The following GRIN2B variants were observed in gnomAD, a reference collection of about 807,000 sequenced individuals.
GRIN2B encodes glutamate ionotropic receptor NMDA type subunit 2B.
In GRIN2B, 5 loss-of-function variants were observed where a neutral mutation model predicts 114.5. The ratio of observed to expected loss-of-function variants is 0.04; its 90% confidence interval spans 0.02 to 0.09. The LOEUF is 0.09. Ranked by LOEUF, GRIN2B falls within the 10% of genes least tolerant of loss-of-function variation. GRIN2B has a pLI of 1.00. For missense variants in GRIN2B, 1,108 were observed against 1,943.5 expected (o/e 0.57, Z 8.08); for synonymous variants, 787 against 745.1 (o/e 1.06, Z -0.92).
At chr12:13,622,743 A>G (rs1335055138) in intron 5 of GRIN2B, among the ~76,000 whole-genome samples, 6 of 152,096 alleles carry the variant, frequency 3.9e-5, no homozygotes, top group African/African-American at 1.4e-4. Context: ...TGTGTGAGAG[A>G]GAGAGCAGGA....
intron 3 of GRIN2B, among the ~76,000 whole-genome samples, chr12:13,830,781 CTT>C (rs1490913369): frequency 6.6e-6 from 1 of 152,178 alleles, no homozygotes; most frequent in Non-Finnish European, 1.5e-5. Flanking sequence ...CTTAAAGAAT[CTT>C]TTTTCTGCAA....
chr12:13,670,689 G>A (rs1310058927), intron 5 of GRIN2B, among the ~76,000 whole-genome samples: 2 of 152,016 alleles, frequency 1.3e-5, no homozygotes, highest in African/African-American at 4.8e-5. Flanking sequence ...AGCCCAGTCT[G>A]CACACAATGA....
intron 3 of GRIN2B, among the ~76,000 whole-genome samples, chr12:13,775,577 A>T (rs950354725): frequency 2.0e-4 from 30 of 152,226 alleles, no homozygotes; most frequent in African/African-American, 7.0e-4. Context: ...TTTCTTAGAA[A>T]TAGAATTAGG....
At chr12:13,625,384 G>T (rs940650454) in intron 5 of GRIN2B, among the ~76,000 whole-genome samples, 10 of 152,162 alleles carry the variant, frequency 6.6e-5, no homozygotes, top group African/African-American at 2.4e-4. Flanking sequence ...GGCAAGTGGC[G>T]ACCGAAGTTC....
In GRIN2B at chr12:13,753,987, AC is replaced by A; in HGVS notation, c.412-73del. ...CCAAAGATGGTAATGGAGATTTTGA[AC>A]CAAGTGGGTACAAAGATTTGTGTTC... On this transcript the variant is annotated intron_variant, in intron 3 of 13. Coordinates refer to ENST00000609686, the MANE Select transcript of GRIN2B (RefSeq NM_000834.5). The surrounding 1 kb of genome is among the most constrained non-coding windows in gnomAD (Gnocchi z 6.2). 1.1e-6 allele frequency: 1 copy of A among 900,616 alleles called. No homozygotes were observed. The highest frequency in any genetic ancestry group is 1.6e-5 in the African/African-American group (1 of 60,818). The allele number at this position is 900,616 out of a possible 1,614,324, so 55.8% of individuals were successfully genotyped here.
At chr12:13,782,086 C>T (rs555358873) in intron 3 of GRIN2B, among the ~76,000 whole-genome samples, 1 of 152,234 alleles carries the variant, frequency 6.6e-6, no homozygotes, top group East Asian at 1.9e-4. Flanking sequence ...GAGTTATGGG[C>T]TAGACTTTGA....
At chr12:13,911,447 C>G (rs1020742810) in intron 2 of GRIN2B, among the ~76,000 whole-genome samples, 2 of 152,118 alleles carry the variant, frequency 1.3e-5, no homozygotes, top group Non-Finnish European at 2.9e-5. Flanking sequence ...CTGAGCTCAC[C>G]ACTTGGCAAA....
Position 13,562,761 on chromosome 12 carries a change from C to T in GRIN2B, c.*22G>A, listed in dbSNP as rs897186462. 7.5e-6 allele frequency: 12 copies of T among 1,606,202 alleles called. No homozygotes were observed. In the South Asian group the frequency reaches 7.7e-5, roughly 10 times the overall value. ...CACAGCCTTACCCTCCCGTACCCAC[C>T]TTAACCTCTCTGTTCCCTCACTCAG... On this transcript the variant is annotated 3_prime_UTR_variant, in exon 14 of 14. Transcript: ENST00000609686.
At chr12:13,587,377 A>AGAT (rs1283118988) in intron 10 of GRIN2B, among the ~76,000 whole-genome samples, 2 of 119,304 alleles carry the variant, frequency 1.7e-5, no homozygotes, top group African/African-American at 3.3e-5. Context: ...TTTGTTTTTG[A>AGAT]GATAGGGTCT....
intron 2 of GRIN2B, among the ~76,000 whole-genome samples, chr12:13,960,096 T>C (rs1867664091): frequency 6.6e-6 from 1 of 152,072 alleles, no homozygotes; most frequent in African/African-American, 2.4e-5. Flanking sequence ...CCTAGGATGC[T>C]GAGCAGCATC....
chr12:13,757,925 C>T (rs1051411919), intron 3 of GRIN2B, among the ~76,000 whole-genome samples: 7 of 152,140 alleles, frequency 4.6e-5, no homozygotes, highest in Non-Finnish European at 7.3e-5. Flanking sequence ...CTGCATCATC[C>T]AGATCCCTTA....
At position 13,782,900 on chromosome 12, in the gene GRIN2B, G is replaced by C. The variant is rs75059314; in HGVS notation, c.412-28985C>G. Among the ~76,000 whole-genome samples, 965 of 152,252 alleles carry C rather than the reference G, an allele frequency of 6.3e-3. 11 individuals carry two copies. The highest frequency in any genetic ancestry group is 0.022 in the African/African-American group (935 of 41,556). ...GTCCACCCACTAGCCTATGCAGATG[G>C]GGAAAATGGATCTATCTAGTCTTCA... is the stretch of plus-strand genomic sequence containing the variant. On this transcript the variant is annotated intron_variant, in intron 3 of 13. Coordinates refer to ENST00000609686, the MANE Select transcript of GRIN2B (RefSeq NM_000834.5).
intron 4 of GRIN2B, among the ~76,000 whole-genome samples, chr12:13,748,046 C>T (rs1863417830): frequency 6.6e-6 from 1 of 152,076 alleles, no homozygotes; most frequent in Admixed American, 6.5e-5. Context: ...CTTTTTTTCA[C>T]ATCAGTTATT....
chr12:13,782,739 C>G (rs907248440), intron 3 of GRIN2B, among the ~76,000 whole-genome samples: 2 of 152,186 alleles, frequency 1.3e-5, no homozygotes, highest in African/African-American at 4.8e-5. Flanking sequence ...TTGAGAGGCT[C>G]TTTGCTCTAG....
intron 3 of GRIN2B, among the ~76,000 whole-genome samples, chr12:13,764,754 A>G (rs1305153446): frequency 6.6e-6 from 1 of 152,254 alleles, no homozygotes; most frequent in African/African-American, 2.4e-5. Flanking sequence ...TCACCCGGAT[A>G]CTTTTCCTCT....
At chr12:13,936,552 A>G (rs924403167) in intron 2 of GRIN2B, among the ~76,000 whole-genome samples, 5 of 152,232 alleles carry the variant, frequency 3.3e-5, no homozygotes, top group African/African-American at 1.2e-4. Flanking sequence ...CAAAAGTTCA[A>G]GGTGATCAGC....
At chr12:13,905,778 C>A (rs913396099) in intron 2 of GRIN2B, among the ~76,000 whole-genome samples, 1 of 152,154 alleles carries the variant, frequency 6.6e-6, no homozygotes, top group African/African-American at 2.4e-5. Context: ...AGTATTCTGA[C>A]GAGCTGAGAG....
At chr12:13,913,891 A>G (rs1866665932) in intron 2 of GRIN2B, among the ~76,000 whole-genome samples, 1 of 152,168 alleles carries the variant, frequency 6.6e-6, no homozygotes, top group African/African-American at 2.4e-5. Context: ...AGTAGTATCT[A>G]CCTCATAGAG....
At chr12:13,820,588 GC>G (rs1412061106) in intron 3 of GRIN2B, among the ~76,000 whole-genome samples, 1 of 152,106 alleles carries the variant, frequency 6.6e-6, no homozygotes, top group Non-Finnish European at 1.5e-5. Context: ...TACAGTTTGA[GC>G]TTGTTATGGG....
Sources: gnomAD v4.1 joint callset for allele counts (sites outside exome capture counted in the v4.1 genomes callset) on GRCh38, gnomAD v4.1.1 for gene constraint, Gnocchi (gnomAD v3.1) non-coding constraint, MANE v1.5 for transcripts, NCBI Gene and HGNC (gene_info 2026-07-23, HGNC 2026-07-21) for gene names.